DNAJC21: variants seen among roughly 807,000 people sequenced by gnomAD.
DNAJC21 encodes DnaJ heat shock protein family (Hsp40) member C21, also known as dnaJ homolog subfamily C member 21.
In DNAJC21, 63 loss-of-function variants were observed where a neutral mutation model predicts 72.4. The ratio of observed to expected loss-of-function variants is 0.87; its 90% CI spans 0.71 to 1.07. The LOEUF is 1.07. Ranked by LOEUF, DNAJC21 falls within the 50% of genes least tolerant of loss-of-function variation. DNAJC21 has a pLI of 0.00. For missense variants in DNAJC21, 634 were observed against 644.8 expected (o/e 0.98, Z 0.18); for synonymous variants, 203 against 216.7 (o/e 0.94, Z 0.56).
chr5:34,931,613 G>T (rs1160982869), intron 1 of DNAJC21, among the ~76,000 whole-genome samples: 1 of 149,770 alleles, frequency 6.7e-6, no homozygotes, highest in African/African-American at 2.6e-5. Flanking sequence ...TTGAATATTA[G>T]CCCAAGGACT....
chr5:34,953,039 A>G (rs971416347), intron 10 of DNAJC21, among the ~76,000 whole-genome samples: 6 of 152,014 alleles, frequency 3.9e-5, no homozygotes, highest in African/African-American at 1.4e-4. Context: ...AATCCCAGCT[A>G]TTCGGGAGGC....
chr5:34,950,549 A>G (rs1765329282), intron 10 of DNAJC21: 18 of 1,195,674 alleles, frequency 1.5e-5, no homozygotes, highest in Admixed American at 4.3e-5. Context: ...GCCCACACAC[A>G]TCTCAGCAGC....
intron 11 of DNAJC21, chr5:34,954,245 A>T (rs891079407): frequency 2.1e-6 from 1 of 467,108 alleles, no homozygotes; most frequent in Admixed American, 4.0e-5. Flanking sequence ...TTCAATCTAA[A>T]GCCTTGGTGA....
At chr5:34,937,902 C>T (rs1764847557) in intron 5 of DNAJC21, among the ~76,000 whole-genome samples, 1 of 152,122 alleles carries the variant, frequency 6.6e-6, no homozygotes, top group African/African-American at 2.4e-5. Context: ...TCAAGTGATT[C>T]TCCTGTCTCA....
At chr5:34,949,980 C>G (rs1765305295) in intron 9 of DNAJC21, among the ~76,000 whole-genome samples, 190 bp from the exon 10 acceptor site, 1 of 152,188 alleles carries the variant, frequency 6.6e-6, no homozygotes, top group Non-Finnish European at 1.5e-5. Flanking sequence ...CAGCCATTCA[C>G]TTTTTGAACA....
chr5:34,947,070 T>A (rs550258900), intron 9 of DNAJC21, among the ~76,000 whole-genome samples: 1 of 152,236 alleles, frequency 6.6e-6, no homozygotes, highest in Admixed American at 6.5e-5. Context: ...ACTGATAGAT[T>A]TAAGAGCAGA....
chr5:34,953,798 C>A, intron 10 of DNAJC21, 128 bp from the exon 11 acceptor site: 1 of 476,478 alleles, frequency 2.1e-6, no homozygotes. Flanking sequence ...ATTTAAATTG[C>A]CTTTAAAATT....
rs1328671559 is a variant in DNAJC21, at chr5:34,947,654, A to ATTTTTTTTTTTTTTTTTTTTTTTTTTT, written c.1185+1852_1185+1853insTTTTTTTTTTTTTTTTTTTTTTTTTTT. ...TCAGTGTAGACATGCAGTTTTCACC[A>ATTTTTTTTTTTTTTTTTTTTTTTTTTT]TGTTTTTTTTTTTTTTTTTGAAGAG... On this transcript the variant is annotated intron_variant, in intron 9 of 11. Transcript: ENST00000648817. 1.9e-5 allele frequency among the ~76,000 whole-genome samples: 2 copies of ATTTTTTTTTTTTTTTTTTTTTTTTTTT among 103,414 alleles called. 1 individual carries two copies. The highest frequency in any genetic ancestry group is 4.5e-5 in the Non-Finnish European group (2 of 44,816). 67.8% of individuals were successfully genotyped at this position (103,414 alleles called of 152,430 possible).
intron 7 of DNAJC21, among the ~76,000 whole-genome samples, chr5:34,943,150 T>C (rs541934888): frequency 6.6e-6 from 1 of 152,200 alleles, no homozygotes; most frequent in Non-Finnish European, 1.5e-5. Flanking sequence ...AACATTGATA[T>C]GGTATTTTTA....
At chr5:34,942,004 C>T (rs1765012980) in intron 7 of DNAJC21, among the ~76,000 whole-genome samples, 1 of 152,038 alleles carries the variant, frequency 6.6e-6, no homozygotes, top group South Asian at 2.1e-4. Flanking sequence ...TTTGTACCTG[C>T]CATTAAACCT....
chr5:34,952,969 T>G (rs1765426291), intron 10 of DNAJC21, among the ~76,000 whole-genome samples: 2 of 151,914 alleles, frequency 1.3e-5, no homozygotes, highest in Non-Finnish European at 2.9e-5. Flanking sequence ...GCCAATATGG[T>G]AAAACCCTGT....
At position 34,937,640 on chromosome 5, in the gene DNAJC21, G is replaced by A. The variant is rs371751945; in HGVS notation, c.743+10G>A. 23 of 1,603,864 alleles carry A rather than the reference G, an allele frequency of 1.4e-5. No individual in the cohort carries two copies. Among genetic ancestry groups the A allele is most frequent in the Non-Finnish European group, 1.7e-5 (20 of 1,174,668 alleles). On this transcript the variant is annotated intron_variant, in intron 5 of 11. Transcript: ENST00000648817. ...AGCTAAAGCAGGCCAAGTGCGTAGCGTGCGTGGGGCCCTCTTCTCAGTATC... is the reference window on the plus strand; with the variant it reads ...AGCTAAAGCAGGCCAAGTGCGTAGCATGCGTGGGGCCCTCTTCTCAGTATC...
chr5:34,952,122 A>AAT, intron 10 of DNAJC21: 1 of 924,476 alleles, frequency 1.1e-6, no homozygotes, highest in Non-Finnish European at 1.3e-6. Flanking sequence ...TTTTTTAAAA[A>AAT]ATGTGTGTGT....
chr5:34,929,818 C>A lies in DNAJC21; in HGVS notation c.-2C>A, dbSNP rs1053349156. On this transcript the variant is annotated 5_prime_UTR_variant, in exon 1 of 12. Transcript: ENST00000648817. ...AGCGCCGGCCGCCCGCCCGGTCGGG[C>A]GATGAAGTGTCACTATGAGGCGCTG... The A allele has an allele frequency of 1.4e-5, 21 of 1,499,046 alleles. No homozygotes were observed. The highest frequency in any genetic ancestry group is 1.8e-5 in the Non-Finnish European group (20 of 1,118,180). 92.9% of individuals were successfully genotyped at this position (1,499,046 alleles called of 1,614,324 possible). A position where few individuals can be genotyped will look rare whatever the true frequency, so the allele number is the denominator to read the frequency against.
rs749761992 is a variant in DNAJC21, at chr5:34,935,822, G to A, written c.304G>A (p.Asp102Asn). The A allele has an allele frequency of 5.0e-6, 8 of 1,613,800 alleles. No individual in the cohort carries two copies. The Admixed American group carries it at 1.3e-4, about 27-fold the overall frequency. ...CGTTACCTGTTATTCTGGTTATGGA[G>A]ATGATGAAAAGGTAAGATAAATGAA... ...FTVTCYSGYG[D>N]DEKGFYTVYR... is the part of the protein sequence containing the mutation. The change falls in exon 3 of 12, where the codon GAT becomes AAT. Residue 102 changes from aspartate to asparagine, a missense_variant. Physicochemically the swap from Asp to Asn is conservative, Grantham distance 23 (BLOSUM62 1). Transcript: ENST00000648817.
chr5:34,948,197 A>G (rs115354248), intron 9 of DNAJC21, among the ~76,000 whole-genome samples: 473 of 152,328 alleles, frequency 3.1e-3, no homozygotes, highest in African/African-American at 0.011. Context: ...CCCATGATTT[A>G]AAGAAAGTAA....
rs1221519184 is a variant in DNAJC21 at position 34,953,717 on chromosome 5, G to T, written c.1359-209G>T. The T allele has an allele frequency of 1.1e-5, 5 of 437,114 alleles. No homozygotes were observed. The South Asian group carries it at 1.3e-4, about 11-fold the overall frequency. The allele number at this position is 437,114 out of a possible 1,614,324, so 27.1% of individuals were successfully genotyped here. A position where few individuals can be genotyped will look rare whatever the true frequency, so the allele number is the denominator to read the frequency against. ...GTTTTAAGGAAATTCCTTAATTTTT[G>T]TGCCAAATTTGATATTCAATTTGAT... On this transcript the variant is annotated intron_variant, in intron 10 of 11. Coordinates refer to ENST00000648817, the MANE Select transcript of DNAJC21 (RefSeq NM_001012339.3).
chr5:34,937,373 G>A lies in DNAJC21; in HGVS notation c.486G>A (p.Lys162=). The A allele has an allele frequency of 6.2e-7, 1 of 1,613,764 alleles. No individual in the cohort carries two copies. The highest frequency in any genetic ancestry group is 8.5e-7 in the Non-Finnish European group (1 of 1,179,946). The change falls in exon 5 of 12, where the codon AAG becomes AAA. Residue 162 remains lysine, a synonymous_variant. Transcript: ENST00000648817. The part of the protein sequence containing the change: ...YAYWQSFCTQ[K]NFAWKEEYDT... Reference sequence around the variant, plus strand: ...ATTGGCAGAGTTTCTGCACTCAAAAGAATTTTGCATGGAAGGAAGAATATG... The same window carrying A: ...ATTGGCAGAGTTTCTGCACTCAAAAAAATTTTGCATGGAAGGAAGAATATG...
chr5:34,940,123 C>T (rs931979364), intron 6 of DNAJC21, among the ~76,000 whole-genome samples: 4 of 152,122 alleles, frequency 2.6e-5, no homozygotes, highest in African/African-American at 4.8e-5. Flanking sequence ...CTCATGGAAT[C>T]GTCTCTGTTT....
Sources: allele counts gnomAD v4.1 joint callset (sites outside exome capture counted in the v4.1 genomes callset), GRCh38; gene constraint gnomAD v4.1.1; transcripts MANE v1.5; gene names NCBI Gene and HGNC (gene_info 2026-07-23, HGNC 2026-07-21).